Variants in ACP3 observed in about 807,000 individuals in gnomAD.
The protein encoded by ACP3 is acid phosphatase 3, also known as prostatic acid phosphatase.
ACP3 carries 38 observed loss-of-function variants against 45.6 expected under a neutral mutation model. That is an observed-to-expected ratio of 0.83 (90% CI 0.64 to 1.09). ACP3 has a LOEUF of 1.09. Ranked by LOEUF, ACP3 falls within the 50% of genes least tolerant of loss-of-function variation. ACP3 has a pLI of 0.00. For synonymous variants in ACP3, 162 were observed against 164.7 expected, an observed-to-expected ratio of 0.98 and a Z score of 0.13; for missense variants, 466 against 463.2, an observed-to-expected ratio of 1.01 and a Z score of -0.05.
intron 3 of ACP3, 106 bp from the exon 4 acceptor site, chr3:132,332,086 A>T: frequency 1.6e-6 from 2 of 1,232,908 alleles, no homozygotes; most frequent in Non-Finnish European, 2.3e-6. Flanking sequence ...TGTCTGTAAT[A>T]TTTCACTGTG....
At position 132,352,767 on chromosome 3, in the gene ACP3, C is replaced by T. The variant is rs376964687; in HGVS notation, c.912C>T (p.Asn304=). 3.8e-5 allele frequency: 62 copies of T among 1,613,722 alleles called. No individual in the cohort carries two copies. In the African/African-American group the frequency reaches 5.1e-4, roughly 13 times the overall value. ...SGLQMALDVY[N]GLLPPYASCH... Reference sequence around the variant, plus strand: ...TACAGATGGCGCTAGATGTTTACAACGGACTCCTTCCTCCCTATGCTTCTT... The same window carrying T: ...TACAGATGGCGCTAGATGTTTACAATGGACTCCTTCCTCCCTATGCTTCTT... Residue 304 remains asparagine, a synonymous_variant, in exon 9 of 10, where the codon AAC becomes AAT. Coordinates refer to ENST00000336375, the MANE Select transcript of ACP3 (RefSeq NM_001099.5).
intron 9 of ACP3, among the ~76,000 whole-genome samples, chr3:132,354,301 G>C (rs116377125): frequency 3.2e-4 from 48 of 152,174 alleles, no homozygotes; most frequent in African/African-American, 1.0e-3. Context: ...GACCCCAGTG[G>C]TCCAGAGCTT....
intron 7 of ACP3, among the ~76,000 whole-genome samples, chr3:132,345,776 C>A: frequency 6.6e-6 from 1 of 152,102 alleles, no homozygotes; most frequent in East Asian, 1.9e-4. Flanking sequence ...ATGCTGGATT[C>A]TTGTAATCAG....
rs181590563 is a variant in ACP3, at chr3:132,335,601, T to C, written c.457-1855T>C. On this transcript the variant is annotated intron_variant, in intron 4 of 9. Coordinates refer to ENST00000336375, the MANE Select transcript of ACP3 (RefSeq NM_001099.5). ...AGAAGTAAAATAAAATAATGTCAGA[T>C]GGCGATGAGTTCCTGGAAAGAAATG... 4.6e-5 allele frequency among the ~76,000 whole-genome samples: 7 copies of C among 152,282 alleles called. No individual in the cohort carries two copies. The East Asian group carries it at 1.4e-3, about 29-fold the overall frequency.
exon 11 of ACP3, chr3:132,367,981 G>A (rs2198765): frequency 0.47 from 291,302 of 614,782 alleles, 72,729 homozygotes; most frequent in East Asian, 0.83. Flanking sequence ...TGACCCACAG[G>A]CTGCTGCTGG....
chr3:132,332,518 A>G, intron 4 of ACP3, 174 bp downstream of exon 4: 1 of 790,306 alleles, frequency 1.3e-6, no homozygotes, highest in South Asian at 2.0e-5. Context: ...TAGCTAAGAG[A>G]GAGTAGGAAC....
chr3:132,356,006 C>T (rs17182812), intron 9 of ACP3, among the ~76,000 whole-genome samples: 72,410 of 152,024 alleles, frequency 0.48, 18,030 homozygotes, highest in Middle Eastern at 0.65. Context: ...AAGCAACTCA[C>T]GCTGGTTTAA....
Position 132,356,977 on chromosome 3 carries a change from A to G in ACP3, c.*99A>G. 6.9e-7 allele frequency: 1 copy of G among 1,453,706 alleles called. No individual in the cohort carries two copies. Among genetic ancestry groups the G allele is most frequent in the Non-Finnish European group, 9.1e-7 (1 of 1,103,324 alleles). The allele number at this position is 1,453,706 out of a possible 1,614,324, so 90.1% of individuals were successfully genotyped here. On this transcript the variant is annotated 3_prime_UTR_variant, in exon 10 of 10. Coordinates refer to ENST00000336375, the MANE Select transcript of ACP3 (RefSeq NM_001099.5). Reference sequence around the variant, plus strand: ...GCCATTACCCCCAGCTTTGAGGAAAATGGGCTTTGGATGATTATTTTATGT... The same window carrying G: ...GCCATTACCCCCAGCTTTGAGGAAAGTGGGCTTTGGATGATTATTTTATGT...
downstream of ACP3, among the ~76,000 whole-genome samples, chr3:132,360,665 T>C (rs962480061): frequency 2.6e-5 from 4 of 152,250 alleles, no homozygotes; most frequent in Non-Finnish European, 5.9e-5. Flanking sequence ...CATTCAGACT[T>C]TCTTCACTAG....
intron 10 of ACP3, among the ~76,000 whole-genome samples, chr3:132,365,838 A>C (rs528347831): frequency 2.6e-4 from 39 of 152,096 alleles, no homozygotes; most frequent in Non-Finnish European, 5.3e-4. Flanking sequence ...AATACAAAAA[A>C]AAATTAGCCA....
At chr3:132,344,260 A>G (rs1937582732) in intron 6 of ACP3, among the ~76,000 whole-genome samples, 1 of 147,892 alleles carries the variant, frequency 6.8e-6, no homozygotes, top group Admixed American at 6.9e-5. Flanking sequence ...GCTGGATGAC[A>G]GAGCAAGATT....
In ACP3 at chr3:132,356,890, A is replaced by C; in HGVS notation, c.*12A>C. On this transcript the variant is annotated 3_prime_UTR_variant, in exon 10 of 10. Transcript: ENST00000336375. ...ACAGTACAGATTAGTGTGCACAGAG[A>C]TCTCTGTAGAAGGAGTAGCTGCCCT... The C allele has an allele frequency of 1.2e-6, 2 of 1,602,760 alleles. No homozygotes were observed. Among genetic ancestry groups the C allele is most frequent in the South Asian group, 2.2e-5 (2 of 90,220 alleles).
chr3:132,352,841 T>C lies in ACP3; in HGVS notation c.968+18T>C. 1 of 1,537,242 alleles carries C rather than the reference T, an allele frequency of 6.5e-7. No individual in the cohort carries two copies. The highest frequency in any genetic ancestry group is 9.0e-7 in the Non-Finnish European group (1 of 1,110,168). ...GAGAAGGGGTAAGTGACTAAGTGCT[T>C]TTCAAAATCAGTATCACTGGACCTT... On this transcript the variant is annotated intron_variant, in intron 9 of 9. Transcript: ENST00000336375.
chr3:132,337,398 A>G (rs1010422867), intron 4 of ACP3, 58 bp from the exon 5 acceptor site: 44 of 1,098,094 alleles, frequency 4.0e-5, no homozygotes, highest in Admixed American at 1.1e-4. Flanking sequence ...TTGCTGCAGC[A>G]TATTTAGCAA....
At position 132,358,623 on chromosome 3, in the gene ACP3, C is replaced by T. The variant is rs1203910479; in HGVS notation, c.*1745C>T. 2.2e-5 allele frequency: 23 copies of T among 1,054,080 alleles called. No homozygotes were observed. In the South Asian group the frequency reaches 5.2e-4, roughly 24 times the overall value. 65.3% of individuals were successfully genotyped at this position (1,054,080 alleles called of 1,614,324 possible). A position where few individuals can be genotyped will look rare whatever the true frequency, so the allele number is the denominator to read the frequency against. On this transcript the variant is annotated 3_prime_UTR_variant, in exon 10 of 10. Transcript: ENST00000336375. ...GTCACAGAATGACTGACAAAGACATCGATTGATATGCTTCTTTGTGTTATT... is the reference window on the plus strand; with the variant it reads ...GTCACAGAATGACTGACAAAGACATTGATTGATATGCTTCTTTGTGTTATT...
intron 1 of ACP3, among the ~76,000 whole-genome samples, chr3:132,318,509 T>C (rs1487769867): frequency 6.6e-6 from 1 of 152,142 alleles, no homozygotes; most frequent in Non-Finnish European, 1.5e-5. Flanking sequence ...GGCTTTTTTT[T>C]TTTTCAGCAT....
At chr3:132,365,609 A>G (rs563376027) in intron 10 of ACP3, among the ~76,000 whole-genome samples, 3 of 152,194 alleles carry the variant, frequency 2.0e-5, no homozygotes, top group Non-Finnish European at 2.9e-5. Context: ...TCTGATTGAG[A>G]TGAGCATTCA....
intron 7 of ACP3, among the ~76,000 whole-genome samples, chr3:132,348,999 T>TCACACACACACACA (rs3221158): frequency 2.0e-5 from 3 of 146,954 alleles, no homozygotes; most frequent in African/African-American, 2.5e-5. Flanking sequence ...TCATTACAAC[T>TCACACACACACACA]CACACACACA....
intron 2 of ACP3, among the ~76,000 whole-genome samples, chr3:132,330,164 C>A (rs1937374650): frequency 6.6e-6 from 1 of 152,058 alleles, no homozygotes; most frequent in Non-Finnish European, 1.5e-5. Context: ...AGGCAATCCA[C>A]CCGCCTTGGC....
Sources: allele counts gnomAD v4.1 joint callset (sites outside exome capture counted in the v4.1 genomes callset), GRCh38; gene constraint gnomAD v4.1.1; transcripts MANE v1.5; gene names NCBI Gene and HGNC (gene_info 2026-07-23, HGNC 2026-07-21).